HDAC8: variants seen among roughly 807,000 people sequenced by gnomAD.
The protein encoded by HDAC8 is histone deacetylase-like 1.
In HDAC8, 1 loss-of-function variant was observed where a neutral mutation model predicts 32.2. The ratio of observed to expected loss-of-function variants is 0.03; its 90% confidence interval spans 0.01 to 0.15. HDAC8 has a LOEUF of 0.15. Ranked by LOEUF, HDAC8 falls within the 10% of genes least tolerant of loss-of-function variation. The pLI is 1.00. For missense variants in HDAC8, 117 were observed against 300.0 expected (o/e 0.39, Z 4.51); for synonymous variants, 108 against 113.9 (o/e 0.95, Z 0.33).
At chrX:72,431,323 A>T (rs1368639364) in intron 9 of HDAC8, among the ~76,000 whole-genome samples, 1 of 111,449 alleles carries the variant, frequency 9.0e-6, no homozygotes, top group Non-Finnish European at 1.9e-5. Context: ...CTTCACATGC[A>T]CTTGCAGGTT....
chrX:72,559,840 C>T (rs2147544323), intron 4 of HDAC8, among the ~76,000 whole-genome samples: 1 of 110,776 alleles, frequency 9.0e-6, no homozygotes, highest in East Asian at 2.9e-4. Context: ...CAGCAGCTGC[C>T]CCGTCTGGGA....
Position 72,469,395 on chromosome X carries a change from C to T in HDAC8, c.738-4664G>A, listed in dbSNP as rs1039797879. ...CTAGACTCGAACTCCTGGGCTCAAGCGATCCTCCCACCTTGGCCTCCCAAA... is the reference window on the plus strand; with the variant it reads ...CTAGACTCGAACTCCTGGGCTCAAGTGATCCTCCCACCTTGGCCTCCCAAA... On this transcript the variant is annotated intron_variant, in intron 7 of 10. Coordinates refer to ENST00000373573, the MANE Select transcript of HDAC8 (RefSeq NM_018486.3). 2.0e-4 allele frequency among the ~76,000 whole-genome samples: 22 copies of T among 112,152 alleles called. 2 individuals are homozygous for T. Among genetic ancestry groups the T allele is most frequent in the Admixed American group, 1.8e-3 (19 of 10,605 alleles).
chrX:72,401,401 AT>A (rs1370442572), intron 9 of HDAC8, among the ~76,000 whole-genome samples: 1 of 110,382 alleles, frequency 9.1e-6, no homozygotes, highest in African/African-American at 3.3e-5. Context: ...TGCCCAGCTA[AT>A]TTTTTTTGTA....
chrX:72,402,114 A>C (rs1469179304), intron 9 of HDAC8, among the ~76,000 whole-genome samples: 1 of 111,224 alleles, frequency 9.0e-6, no homozygotes, highest in African/African-American at 3.3e-5. Context: ...GTATTTGTCC[A>C]TTTCATGCGG....
chrX:72,435,041 A>G (rs2046912668), intron 9 of HDAC8, among the ~76,000 whole-genome samples: 1 of 112,656 alleles, frequency 8.9e-6, no homozygotes, highest in Non-Finnish European at 1.9e-5. Flanking sequence ...CATGGTAAAA[A>G]TTTCAAAAGG....
At chrX:72,423,674 G>A (rs1256605287) in intron 9 of HDAC8, among the ~76,000 whole-genome samples, 3 of 112,309 alleles carry the variant, frequency 2.7e-5, no homozygotes, top group East Asian at 5.6e-4. Context: ...TGAATTAATA[G>A]TTGCCTCACC....
intron 4 of HDAC8, among the ~76,000 whole-genome samples, chrX:72,523,112 G>A (rs1423975156): frequency 1.8e-5 from 2 of 111,605 alleles, no homozygotes; most frequent in African/African-American, 6.5e-5. Flanking sequence ...ATCTCTTTGG[G>A]GTAAATTCCC....
intron 2 of HDAC8, among the ~76,000 whole-genome samples, chrX:72,569,418 G>A (rs1322568124): frequency 8.9e-6 from 1 of 112,182 alleles, no homozygotes; most frequent in Admixed American, 9.4e-5. Flanking sequence ...CTGTAGTTCA[G>A]TTTTCTTATT....
At chrX:72,483,542 G>A (rs940830813) in intron 7 of HDAC8, among the ~76,000 whole-genome samples, 5 of 111,321 alleles carry the variant, frequency 4.5e-5, no homozygotes, top group Admixed American at 9.6e-5. Context: ...TTTACAGTCC[G>A]CAGAACTGTG....
intron 4 of HDAC8, among the ~76,000 whole-genome samples, chrX:72,550,965 A>T (rs2051047949): frequency 9.0e-6 from 1 of 111,049 alleles, no homozygotes; most frequent in Non-Finnish European, 1.9e-5. Flanking sequence ...CCATCTGTTC[A>T]GTCATTTTGT....
chrX:72,334,495 G>A (rs2147674865), intron 10 of HDAC8, among the ~76,000 whole-genome samples: 1 of 111,566 alleles, frequency 9.0e-6, no homozygotes, highest in African/African-American at 3.3e-5. Context: ...GGTACCTGCT[G>A]GCAAAAGTGG....
rs1486591337 is a variant in HDAC8 at position 72,445,216 on chromosome X, C to T, written c.1005+16788G>A. Among the ~76,000 whole-genome samples the T allele has an allele frequency of 2.7e-5, 3 of 110,309 alleles. No homozygotes were observed. The East Asian group carries it at 8.5e-4, about 31-fold the overall frequency. On this transcript the variant is annotated intron_variant, in intron 9 of 10. Coordinates refer to ENST00000373573, the MANE Select transcript of HDAC8 (RefSeq NM_018486.3). ...TCATATGGAACCAAAAAAGAGCCCG[C>T]ATCACCAAGTCAATCCTAAGCCAAA...
intron 9 of HDAC8, among the ~76,000 whole-genome samples, chrX:72,399,405 T>A (rs782764604): frequency 9.5e-4 from 107 of 112,189 alleles, no homozygotes; most frequent in Non-Finnish European, 1.7e-3. Flanking sequence ...AATCTTAATA[T>A]CTGATAAGAA....
chrX:72,421,430 G>A (rs782805185), intron 9 of HDAC8, among the ~76,000 whole-genome samples: 2 of 111,256 alleles, frequency 1.8e-5, no homozygotes, highest in African/African-American at 3.3e-5. Context: ...ATGTGTCCAC[G>A]TGTTGGGGAA....
intron 9 of HDAC8, among the ~76,000 whole-genome samples, chrX:72,399,160 T>C (rs1229764765): frequency 8.9e-6 from 1 of 112,052 alleles, no homozygotes; most frequent in Non-Finnish European, 1.9e-5. Context: ...GAGTTTTGTG[T>C]TTGGTGTGAG....
chrX:72,434,779 A>T (rs1203194285), intron 9 of HDAC8, among the ~76,000 whole-genome samples: 2 of 111,880 alleles, frequency 1.8e-5, no homozygotes, highest in Non-Finnish European at 3.8e-5. Context: ...TGCTTACTAT[A>T]TGTCAGCCAC....
chrX:72,535,425 G>T (rs1308999444), intron 4 of HDAC8, among the ~76,000 whole-genome samples: 3 of 110,522 alleles, frequency 2.7e-5, no homozygotes, highest in South Asian at 3.8e-4. Flanking sequence ...TAGTCTTTTA[G>T]TGCCCTTGTG....
At chrX:72,485,320 G>A (rs1556005208) in intron 7 of HDAC8, among the ~76,000 whole-genome samples, 1 of 111,516 alleles carries the variant, frequency 9.0e-6, no homozygotes, top group Non-Finnish European at 1.9e-5. Context: ...AATGATCTAG[G>A]GAGATCTCAC....
At chrX:72,433,623 G>T (rs1243890635) in intron 9 of HDAC8, among the ~76,000 whole-genome samples, 1 of 112,068 alleles carries the variant, frequency 8.9e-6, no homozygotes, top group Non-Finnish European at 1.9e-5. Context: ...ACTTATCTGG[G>T]AGGAGGAGCT....
Sources: allele counts gnomAD v4.1 joint callset (sites outside exome capture counted in the v4.1 genomes callset), GRCh38; gene constraint gnomAD v4.1.1; transcripts MANE v1.5; gene names NCBI Gene and HGNC (gene_info 2026-07-23, HGNC 2026-07-21).